Variants in C7orf57 observed in about 807,000 individuals in gnomAD.
C7orf57 encodes chromosome 7 open reading frame 57, also known as uncharacterized protein C7orf57.
In C7orf57, 33 loss-of-function variants were observed where a neutral mutation model predicts 39.0. That is an observed-to-expected ratio of 0.85 (90% CI 0.64 to 1.13). The LOEUF (loss-of-function observed/expected upper bound fraction) is 1.13. Ranked by LOEUF, C7orf57 falls within the 50% of genes most tolerant of loss-of-function variation. C7orf57 has a pLI of 0.00. For missense variants in C7orf57, 346 were observed against 362.3 expected (o/e 0.95, Z 0.37); for synonymous variants, 124 against 137.1 (o/e 0.90, Z 0.67).
chr7:48,050,460 C>T (rs1790842373), intron 6 of C7orf57, among the ~76,000 whole-genome samples: 1 of 152,164 alleles, frequency 6.6e-6, no homozygotes, highest in Non-Finnish European at 1.5e-5. Context: ...AGAGTGAAAT[C>T]CCTGAGGCCT....
intron 7 of C7orf57, among the ~76,000 whole-genome samples, chr7:48,054,012 C>T (rs1400071452): frequency 2.0e-5 from 3 of 152,222 alleles, no homozygotes; most frequent in Non-Finnish European, 1.5e-5. Context: ...ATTCTACACC[C>T]TGTTCCTTAC....
Position 48,055,288 on chromosome 7 carries a change from G to A in C7orf57, c.841+682G>A, listed in dbSNP as rs573338602. On this transcript the variant is annotated intron_variant, in intron 8 of 8. Coordinates refer to ENST00000348904, the MANE Select transcript of C7orf57 (RefSeq NM_001100159.3). ...TGGAAAACATAAGTAAAAAGCCATC[G>A]GAGACTCCAATTTATTTTTTAGTTT... is the stretch of plus-strand genomic sequence containing the variant. Among the ~76,000 whole-genome samples, 7 of 151,588 alleles carry A rather than the reference G, an allele frequency of 4.6e-5. No individual in the cohort carries two copies. The East Asian group carries it at 1.2e-3, about 25-fold the overall frequency.
rs1791258443 is a variant in C7orf57 at position 48,060,384 on chromosome 7, T to C, written c.*112T>C. The C allele has an allele frequency of 1.6e-6, 1 of 608,036 alleles. No individual in the cohort carries two copies. The highest frequency in any genetic ancestry group is 3.0e-5 in the South Asian group (1 of 33,574). The allele number at this position is 608,036 out of a possible 1,614,324, so 37.7% of individuals were successfully genotyped here. ...TGTATTTTATTAATATAGACTCTCA[T>C]TGAATAATTTACCTTGCAGCAGATT... On this transcript the variant is annotated 3_prime_UTR_variant, in exon 9 of 9. Transcript: ENST00000348904.
In C7orf57 at chr7:48,035,594, G is replaced by A; in HGVS notation, c.-138G>A. On this transcript the variant is annotated 5_prime_UTR_variant, in exon 1 of 9. Transcript: ENST00000348904. The surrounding 1 kb of genome is among the most constrained non-coding windows in gnomAD (Gnocchi z 4.0). ...CCGTGTAAAAACTCCAACGCCGGGC[G>A]CCGCGGGCAGCACCCACGGAGACCC... 4 of 694,680 alleles carry A rather than the reference G, an allele frequency of 5.8e-6. No homozygotes were observed. Among genetic ancestry groups the A allele is most frequent in the Non-Finnish European group, 7.9e-6 (3 of 381,568 alleles). The allele number at this position is 694,680 out of a possible 1,614,324, so 43.0% of individuals were successfully genotyped here.
chr7:48,050,732 G>A (rs1790850481), intron 6 of C7orf57, among the ~76,000 whole-genome samples: 1 of 152,118 alleles, frequency 6.6e-6, no homozygotes, highest in African/African-American at 2.4e-5. Flanking sequence ...ATTAGGAGTG[G>A]CCTTGATAAC....
intron 4 of C7orf57, among the ~76,000 whole-genome samples, chr7:48,044,422 C>G (rs575150654): frequency 6.6e-6 from 1 of 152,330 alleles, no homozygotes; most frequent in African/African-American, 2.4e-5. Flanking sequence ...TGTCCCTCCC[C>G]CTTTGCTCTC....
chr7:48,051,801 T>A, intron 6 of C7orf57, among the ~76,000 whole-genome samples: 1 of 98,104 alleles, frequency 1.0e-5, no homozygotes, highest in African/African-American at 4.3e-5. Flanking sequence ...TTTCTTTCCT[T>A]CCTTCCTTTT....
chr7:48,043,597 C>A lies in C7orf57; in HGVS notation c.350+8C>A. On this transcript the variant is annotated splice_region_variant and intron_variant, in intron 4 of 8. Transcript: ENST00000348904. Reference sequence around the variant, plus strand: ...GACAGCCAGCCAGCAAGAGTAAGTACCTTAAAGCACTCACATTTTTGTTTA... The same window carrying A: ...GACAGCCAGCCAGCAAGAGTAAGTAACTTAAAGCACTCACATTTTTGTTTA... The A allele has an allele frequency of 1.9e-6, 3 of 1,602,842 alleles. No individual in the cohort carries two copies. Among genetic ancestry groups the A allele is most frequent in the East Asian group, 4.5e-5 (2 of 44,834 alleles).
At chr7:48,047,934 G>A (rs1453599843) in intron 5 of C7orf57, among the ~76,000 whole-genome samples, 2 of 152,180 alleles carry the variant, frequency 1.3e-5, no homozygotes, top group Admixed American at 6.5e-5. Flanking sequence ...CAATTACACT[G>A]AGCTACAACC....
In C7orf57 at chr7:48,043,571, C is replaced by T. The variant is rs200009278; in HGVS notation, c.332C>T (p.Pro111Leu). The change falls in exon 4 of 9, where the codon CCG becomes CTG. Residue 111 changes from proline to leucine, a missense_variant. Pro to Leu is a moderately conservative substitution (Grantham distance 98). Coordinates refer to ENST00000348904, the MANE Select transcript of C7orf57 (RefSeq NM_001100159.3). ...PDWYIHHSKPPTASQQEVRAV... is the reference protein window; with the variant it reads ...PDWYIHHSKPLTASQQEVRAV... ...TGGTATATCCACCACAGCAAGCCAC[C>T]GACAGCCAGCCAGCAAGAGTAAGTA... The T allele has an allele frequency of 1.7e-5, 28 of 1,613,766 alleles. No individual in the cohort carries two copies. In the Admixed American group the frequency reaches 2.3e-4, roughly 13 times the overall value.
intron 5 of C7orf57, 105 bp downstream of exon 5, chr7:48,046,721 C>G: frequency 7.8e-7 from 1 of 1,276,442 alleles, no homozygotes; most frequent in Non-Finnish European, 1.1e-6. Context: ...TTATGTTGCT[C>G]GTGGCATCGG....
chr7:48,041,536 C>T lies in C7orf57; in HGVS notation c.241+17C>T. The T allele has an allele frequency of 6.4e-7, 1 of 1,573,318 alleles. No individual in the cohort carries two copies. Among genetic ancestry groups the T allele is most frequent in the Non-Finnish European group, 8.6e-7 (1 of 1,156,686 alleles). ...GCAGGCCCGGTGAGCCCCCTCCTGC[C>T]CTGTTCAGTGTGGCAGCCTCGCGGG... is the stretch of plus-strand genomic sequence containing the variant. On this transcript the variant is annotated intron_variant, in intron 3 of 8. Coordinates refer to ENST00000348904, the MANE Select transcript of C7orf57 (RefSeq NM_001100159.3).
chr7:48,046,689 G>A, intron 5 of C7orf57, 73 bp downstream of exon 5: 2 of 1,492,626 alleles, frequency 1.3e-6, no homozygotes, highest in East Asian at 2.4e-5. Flanking sequence ...TAAGTGCTGT[G>A]ATGTTAGCTG....
At chr7:48,057,088 C>A (rs1299477360) in intron 8 of C7orf57, among the ~76,000 whole-genome samples, 1 of 147,414 alleles carries the variant, frequency 6.8e-6, no homozygotes, top group African/African-American at 2.5e-5. Flanking sequence ...TCTGTTTGCT[C>A]AAGATTGGTT....
intron 8 of C7orf57, 60 bp downstream of exon 8, chr7:48,054,666 T>G: frequency 7.0e-7 from 1 of 1,432,586 alleles, no homozygotes; most frequent in Non-Finnish European, 9.6e-7. Context: ...AAGAAATTGA[T>G]GGACATAGTC....
In C7orf57 at chr7:48,040,157, C is replaced by T. The variant is rs570275625; in HGVS notation, c.56-1177C>T. On this transcript the variant is annotated intron_variant, in intron 2 of 8. Coordinates refer to ENST00000348904, the MANE Select transcript of C7orf57 (RefSeq NM_001100159.3). ...CTCCAGGGAGTCTCCTGGGTGGTCC[C>T]AAGCCAGCCTGCAGGGCCTGTCCTG... is the stretch of plus-strand genomic sequence containing the variant. Among the ~76,000 whole-genome samples the T allele has an allele frequency of 3.3e-5, 5 of 152,288 alleles. No homozygotes were observed. In the South Asian group the frequency reaches 1.0e-3, roughly 32 times the overall value.
At chr7:48,044,022 A>G (rs867515438) in intron 4 of C7orf57, among the ~76,000 whole-genome samples, 1 of 152,114 alleles carries the variant, frequency 6.6e-6, no homozygotes, top group African/African-American at 2.4e-5. Context: ...TTATAGCTCT[A>G]TGAGAAGCTG....
intron 3 of C7orf57, 93 bp downstream of exon 3, chr7:48,041,612 C>T (rs2128791404): frequency 9.2e-7 from 1 of 1,082,100 alleles, no homozygotes; most frequent in Non-Finnish European, 1.3e-6. Flanking sequence ...AATATTACTA[C>T]AGAGTCTGTA....
At chr7:48,052,952 T>C (rs1446460144) in intron 7 of C7orf57, 29 bp downstream of exon 7, 1 of 1,547,680 alleles carries the variant, frequency 6.5e-7, no homozygotes, top group South Asian at 1.1e-5. Context: ...TCTGCATTTA[T>C]TGGAGGCTTG....
Sources: gnomAD v4.1 joint callset for allele counts (sites outside exome capture counted in the v4.1 genomes callset) on GRCh38, gnomAD v4.1.1 for gene constraint, Gnocchi (gnomAD v3.1) non-coding constraint, MANE v1.5 for transcripts, NCBI Gene and HGNC (gene_info 2026-07-23, HGNC 2026-07-21) for gene names.